THSD7A: variants seen among roughly 807,000 people sequenced by gnomAD.
THSD7A encodes thrombospondin type 1 domain containing 7A.
In THSD7A, 96 loss-of-function variants were observed where a neutral mutation model predicts 231.3. The ratio of observed to expected loss-of-function variants is 0.41; its 90% confidence interval spans 0.35 to 0.49. The LOEUF (loss-of-function observed/expected upper bound fraction) is 0.49, where lower values mean the gene tolerates loss of function less well. THSD7A is among the 20% of genes least tolerant of loss of function. The pLI, the probability that THSD7A is intolerant of heterozygous loss-of-function variation, is 0.05. For missense variants in THSD7A, 2,290 were observed against 2,070.2 expected (o/e 1.11, Z -2.06); for synonymous variants, 940 against 743.3 (o/e 1.26, Z -4.30).
At chr7:11,713,355 C>T (rs1781027281) in intron 1 of THSD7A, among the ~76,000 whole-genome samples, 1 of 151,200 alleles carries the variant, frequency 6.6e-6, no homozygotes, top group Non-Finnish European at 1.5e-5. Context: ...GTTTTCTTAG[C>T]TTGGCTAGGA....
rs1252653830 is a variant in THSD7A at position 11,811,160 on chromosome 7, G to T, written c.190+20597C>A. Among the ~76,000 whole-genome samples, 3 of 151,938 alleles carry T rather than the reference G, an allele frequency of 2.0e-5. No individual in the cohort carries two copies. In the East Asian group the frequency reaches 5.8e-4, roughly 29 times the overall value. ...GTGATTTGTGTGTAATGTCTCTTTT[G>T]TCCATTAACCAGACTTTGATTAAGA... On this transcript the variant is annotated intron_variant, in intron 1 of 27. Transcript: ENST00000423059.
At chr7:11,737,499 C>A (rs181242689) in intron 1 of THSD7A, among the ~76,000 whole-genome samples, 1 of 152,012 alleles carries the variant, frequency 6.6e-6, no homozygotes. Context: ...ACTACACTCA[C>A]GCAGTTCCTG....
chr7:11,518,764 T>G (rs1274599475), intron 6 of THSD7A, among the ~76,000 whole-genome samples: 1 of 152,184 alleles, frequency 6.6e-6, no homozygotes, highest in African/African-American at 2.4e-5. Context: ...TTTCCAGAAA[T>G]GTACAATCAA....
chr7:11,479,554 T>C (rs1786336475), intron 7 of THSD7A, among the ~76,000 whole-genome samples: 1 of 152,182 alleles, frequency 6.6e-6, no homozygotes, highest in Admixed American at 6.5e-5. Flanking sequence ...TTACAAAGGA[T>C]TATCTAAGTG....
At chr7:11,521,000 A>T (rs967933064) in intron 6 of THSD7A, among the ~76,000 whole-genome samples, 1 of 152,350 alleles carries the variant, frequency 6.6e-6, no homozygotes, top group East Asian at 1.9e-4. Context: ...TGACTGTGCT[A>T]TTCAAAAAAT....
intron 6 of THSD7A, among the ~76,000 whole-genome samples, chr7:11,505,441 G>GTA (rs1183784443): frequency 7.1e-6 from 1 of 141,812 alleles, no homozygotes; most frequent in Non-Finnish European, 1.6e-5. Flanking sequence ...CACTACCAGT[G>GTA]TAAAGTTTTT....
chr7:11,635,552 G>A (rs1419860031), intron 2 of THSD7A, among the ~76,000 whole-genome samples: 1 of 152,140 alleles, frequency 6.6e-6, no homozygotes, highest in East Asian at 1.9e-4. Context: ...TCCTGAATGA[G>A]GCTACTCATG....
chr7:11,386,051 C>G (rs1207957116), intron 23 of THSD7A, among the ~76,000 whole-genome samples: 2 of 152,100 alleles, frequency 1.3e-5, no homozygotes, highest in Non-Finnish European at 2.9e-5. Flanking sequence ...TGAACTCATC[C>G]TTTTTTATGG....
intron 4 of THSD7A, among the ~76,000 whole-genome samples, chr7:11,588,640 T>TA (rs941631454): frequency 1.2e-4 from 19 of 152,016 alleles, no homozygotes; most frequent in East Asian, 3.9e-4. Flanking sequence ...GAAAATGCTT[T>TA]AAAAAAAATA....
chr7:11,811,211 C>T (rs1016041543), intron 1 of THSD7A, among the ~76,000 whole-genome samples: 1 of 151,792 alleles, frequency 6.6e-6, no homozygotes, highest in Non-Finnish European at 1.5e-5. Flanking sequence ...GCACATTAAC[C>T]GACAGAATTA....
intron 2 of THSD7A, among the ~76,000 whole-genome samples, chr7:11,594,589 A>G (rs1780289941): frequency 6.6e-6 from 1 of 152,138 alleles, no homozygotes; most frequent in Non-Finnish European, 1.5e-5. Context: ...TCTATATATA[A>G]CACCTTTGAC....
Position 11,612,021 on chromosome 7 carries a change from G to T in THSD7A, c.1023-18519C>A, listed in dbSNP as rs182555046. 6.6e-5 allele frequency among the ~76,000 whole-genome samples: 10 copies of T among 152,164 alleles called. No individual in the cohort carries two copies. In the East Asian group the frequency reaches 1.9e-3, roughly 29 times the overall value. ...GCTGCCATATGGAGCTCTCTGAGAA[G>T]GCTTGAGCCCTTCATGACATTGCCC... On this transcript the variant is annotated intron_variant, in intron 2 of 27. Coordinates refer to ENST00000423059, the MANE Select transcript of THSD7A (RefSeq NM_015204.3).
At chr7:11,583,605 C>T (rs1791266012) in intron 4 of THSD7A, among the ~76,000 whole-genome samples, 1 of 152,038 alleles carries the variant, frequency 6.6e-6, no homozygotes, top group South Asian at 2.1e-4. Flanking sequence ...ACAGTATTTT[C>T]AATCTTGGGA....
intron 1 of THSD7A, among the ~76,000 whole-genome samples, chr7:11,716,806 T>G (rs2128151150): frequency 6.6e-6 from 1 of 151,664 alleles, no homozygotes; most frequent in Non-Finnish European, 1.5e-5. Flanking sequence ...AGAAAAAATC[T>G]TATTACATTG....
chr7:11,412,561 C>A, intron 18 of THSD7A, 95 bp downstream of exon 18: 1 of 1,419,678 alleles, frequency 7.0e-7, no homozygotes, highest in Non-Finnish European at 9.6e-7. Context: ...CCAAAAGGCA[C>A]ACAGGTAGAG....
Position 11,435,520 on chromosome 7 carries a change from A to G in THSD7A, c.3065-6395T>C, listed in dbSNP as rs190326321. 2.2e-3 allele frequency among the ~76,000 whole-genome samples: 342 copies of G among 152,220 alleles called. 2 individuals are homozygous for G. Among genetic ancestry groups the G allele is most frequent in the Admixed American group, 0.018 (282 of 15,256 alleles). On this transcript the variant is annotated intron_variant, in intron 13 of 27. Coordinates refer to ENST00000423059, the MANE Select transcript of THSD7A (RefSeq NM_015204.3). ...GGCCAATGATTCTTCAGTCATGCCT[A>G]TATAATGAAACCTGAATAAAAACTC... is the stretch of plus-strand genomic sequence containing the variant.
chr7:11,627,721 G>A (rs1049046381), intron 2 of THSD7A, among the ~76,000 whole-genome samples: 2 of 152,090 alleles, frequency 1.3e-5, no homozygotes, highest in African/African-American at 4.8e-5. Flanking sequence ...TAGAAGTCAA[G>A]TTATTTTTGA....
At chr7:11,389,421 C>CTTTTTTTTTTTTTTTTTTT (rs57755425) in intron 23 of THSD7A, among the ~76,000 whole-genome samples, 2 of 37,588 alleles carry the variant, frequency 5.3e-5, no homozygotes, top group African/African-American at 9.6e-5. Flanking sequence ...GCAACTCCTG[C>CTTTTTTTTTTTTTTTTTTT]TTTTTTTTTT....
At chr7:11,568,225 T>G (rs916147045) in intron 4 of THSD7A, among the ~76,000 whole-genome samples, 2 of 152,158 alleles carry the variant, frequency 1.3e-5, no homozygotes, top group African/African-American at 4.8e-5. Context: ...TGTTTTCTCC[T>G]CTGGACAGAA....
Sources: gnomAD v4.1 joint callset for allele counts (sites outside exome capture counted in the v4.1 genomes callset) on GRCh38, gnomAD v4.1.1 for gene constraint, MANE v1.5 for transcripts, NCBI Gene and HGNC (gene_info 2026-07-23, HGNC 2026-07-21) for gene names.